Variants in DLG1 observed in about 807,000 individuals in gnomAD.
The protein encoded by DLG1 is discs large MAGUK scaffold protein 1.
Under a neutral mutation model 123.4 loss-of-function variants are expected in DLG1, and 42 were observed. That is an observed-to-expected ratio of 0.34 (90% CI 0.27 to 0.44). The LOEUF is 0.44. Ranked by LOEUF, DLG1 falls within the 20% of genes least tolerant of loss-of-function variation. The probability of loss-of-function intolerance (pLI) is 1.00; values close to 1 mark genes in which losing one functional copy is unlikely to be tolerated. For missense variants in DLG1, 942 were observed against 1,082.6 expected, an observed-to-expected ratio of 0.87 and a Z score of 1.82; for synonymous variants, 317 against 356.2, an observed-to-expected ratio of 0.89 and a Z score of 1.24.
At chr3:197,288,547 C>A (rs34305944) in intron 3 of DLG1, among the ~76,000 whole-genome samples, 36,377 of 149,622 alleles carry the variant, frequency 0.24, 5,556 homozygotes, top group East Asian at 0.71. Context: ...CATGAAGAAA[C>A]CCTGTCTGTA....
At chr3:197,190,927 G>A (rs1195603374) in intron 5 of DLG1, among the ~76,000 whole-genome samples, 2 of 152,082 alleles carry the variant, frequency 1.3e-5, no homozygotes, top group East Asian at 3.9e-4. Flanking sequence ...GGAGAATGGC[G>A]TGAACCCGGG....
chr3:197,106,594 G>A (rs1031961212), intron 13 of DLG1, among the ~76,000 whole-genome samples: 2 of 152,046 alleles, frequency 1.3e-5, no homozygotes, highest in African/African-American at 2.4e-5. Flanking sequence ...GAACATATCA[G>A]GCAAGAAATA....
intron 5 of DLG1, among the ~76,000 whole-genome samples, chr3:197,177,274 G>A (rs1807641913): frequency 6.6e-6 from 1 of 151,788 alleles, no homozygotes. Context: ...CATCCAAACT[G>A]TGAATGTTTG....
At chr3:197,141,679 G>C (rs1788082523) in intron 7 of DLG1, among the ~76,000 whole-genome samples, 1 of 152,118 alleles carries the variant, frequency 6.6e-6, no homozygotes, top group East Asian at 1.9e-4. Flanking sequence ...AGCCAGATAA[G>C]GTGGCATTAC....
chr3:197,213,126 CA>C (rs1164062640), intron 4 of DLG1, among the ~76,000 whole-genome samples: 1 of 152,158 alleles, frequency 6.6e-6, no homozygotes, highest in Non-Finnish European at 1.5e-5. Context: ...AGATCCCTAA[CA>C]CCTTCATTCA....
chr3:197,244,448 C>T (rs1360570728), intron 4 of DLG1, among the ~76,000 whole-genome samples: 2 of 152,114 alleles, frequency 1.3e-5, no homozygotes, highest in Non-Finnish European at 2.9e-5. Flanking sequence ...CAGGCATTTG[C>T]ATCTCGGTAC....
chr3:197,178,633 G>A (rs1808410246), intron 5 of DLG1, among the ~76,000 whole-genome samples: 1 of 152,126 alleles, frequency 6.6e-6, no homozygotes. Flanking sequence ...TGAGCCCTGA[G>A]ACATTTGAAC....
chr3:197,231,706 A>AAC (rs71632216), intron 4 of DLG1, among the ~76,000 whole-genome samples: 42,603 of 150,978 alleles, frequency 0.28, 7,322 homozygotes, highest in East Asian at 0.71. Context: ...TTAAAAAAAA[A>AAC]AAAACAACAA....
At chr3:197,178,683 T>C (rs1472010341) in intron 5 of DLG1, among the ~76,000 whole-genome samples, 1 of 151,904 alleles carries the variant, frequency 6.6e-6, no homozygotes, top group Admixed American at 6.6e-5. Context: ...TAAAGGAAAA[T>C]GAGGCTGGTA....
chr3:197,225,301 G>A (rs1215721138), intron 4 of DLG1, among the ~76,000 whole-genome samples: 2 of 152,058 alleles, frequency 1.3e-5, no homozygotes, highest in Non-Finnish European at 2.9e-5. Flanking sequence ...CCATCTTTAA[G>A]GCAAACTACA....
intron 23 of DLG1, among the ~76,000 whole-genome samples, chr3:197,057,530 C>G (rs1015644668): frequency 6.6e-6 from 1 of 152,204 alleles, no homozygotes; most frequent in Non-Finnish European, 1.5e-5. Flanking sequence ...ATGATACTAT[C>G]AACAGTTTAC....
intron 4 of DLG1, among the ~76,000 whole-genome samples, chr3:197,238,009 T>G (rs1387352488): frequency 1.3e-5 from 2 of 152,118 alleles, no homozygotes; most frequent in Admixed American, 1.3e-4. Context: ...CCATGCAGTG[T>G]TAGTGAAGAC....
chr3:197,254,813 A>T (rs995388576), intron 4 of DLG1, among the ~76,000 whole-genome samples: 2 of 152,114 alleles, frequency 1.3e-5, no homozygotes, highest in African/African-American at 4.8e-5. Flanking sequence ...GCACCTTGAG[A>T]GGTTGGTGGA....
At chr3:197,120,666 G>A (rs148854829) in intron 11 of DLG1, among the ~76,000 whole-genome samples, 5 of 152,284 alleles carry the variant, frequency 3.3e-5, no homozygotes, top group African/African-American at 1.2e-4. Context: ...GGAATTATTA[G>A]TTCAAATTAC....
chr3:197,144,952 G>C (rs990699306), intron 6 of DLG1, among the ~76,000 whole-genome samples: 1 of 152,110 alleles, frequency 6.6e-6, no homozygotes, highest in Non-Finnish European at 1.5e-5. Context: ...GAGTAGCTGA[G>C]ACTACAGGCA....
intron 5 of DLG1, among the ~76,000 whole-genome samples, chr3:197,193,437 G>C (rs1028119123): frequency 6.6e-6 from 1 of 152,194 alleles, no homozygotes; most frequent in African/African-American, 2.4e-5. Flanking sequence ...CAGCTACTGA[G>C]AAACAAGCTG....
chr3:197,211,324 G>C (rs1374707686), intron 4 of DLG1, among the ~76,000 whole-genome samples: 1 of 145,912 alleles, frequency 6.9e-6, no homozygotes, highest in Non-Finnish European at 1.5e-5. Context: ...CCAAAACCTG[G>C]CAGAGACACA....
chr3:197,260,277 C>T, intron 4 of DLG1: 1 of 438,114 alleles, frequency 2.3e-6, no homozygotes, highest in Non-Finnish European at 4.6e-6. Context: ...TTACAATGCA[C>T]AGGCAATCCA....
At chr3:197,174,449 T>C (rs1805943708) in intron 5 of DLG1, among the ~76,000 whole-genome samples, 1 of 152,204 alleles carries the variant, frequency 6.6e-6, no homozygotes, top group Non-Finnish European at 1.5e-5. Context: ...AGCTGTGCTC[T>C]TACAACTGAA....
Sources: gnomAD v4.1 joint callset for allele counts (sites outside exome capture counted in the v4.1 genomes callset) on GRCh38, gnomAD v4.1.1 for gene constraint, MANE v1.5 for transcripts, NCBI Gene and HGNC (gene_info 2026-07-23, HGNC 2026-07-21) for gene names.